PACS2: variants seen among roughly 807,000 people sequenced by gnomAD.
PACS2 encodes PACS1-like protein.
In PACS2, 36 loss-of-function variants were observed where a neutral mutation model predicts 113.0. The observed-to-expected ratio is 0.32, with a 90% CI of 0.24 to 0.42. The LOEUF is 0.42. PACS2 is among the 10% of genes least tolerant of loss of function. The probability of loss-of-function intolerance (pLI) is 1.00; values close to 1 mark genes in which losing one functional copy is unlikely to be tolerated. For missense variants in PACS2, 1,015 were observed against 1,239.5 expected (o/e 0.82, Z 2.72); for synonymous variants, 589 against 536.1 (o/e 1.10, Z -1.36).
At position 105,327,317 on chromosome 14, in the gene PACS2, A is replaced by G. The variant is rs587694880; in HGVS notation, c.119+12280A>G. ...GTAGCCTGAGGGGATGTGCGCGGCCAGGTCAGTGCCTGCCGCTACTGCCTG... is the reference window on the plus strand; with the variant it reads ...GTAGCCTGAGGGGATGTGCGCGGCCGGGTCAGTGCCTGCCGCTACTGCCTG... On this transcript the variant is annotated intron_variant, in intron 1 of 24. Coordinates refer to ENST00000447393, the MANE Select transcript of PACS2 (RefSeq NM_001100913.3). Among the ~76,000 whole-genome samples, 214 of 152,332 alleles carry G rather than the reference A, an allele frequency of 1.4e-3. 1 individual carries two copies. Among genetic ancestry groups the G allele is most frequent in the Admixed American group, 8.0e-3 (123 of 15,300 alleles).
At chr14:105,364,307 C>CGGCCCGGGTGCGCGGTGGGTGGT (rs1174503189) in intron 4 of PACS2, among the ~76,000 whole-genome samples, 1 of 125,306 alleles carries the variant, frequency 8.0e-6, no homozygotes, top group African/African-American at 5.3e-5. Context: ...GTGTGGTGGG[C>CGGCCCGGGTGCGCGGTGGGTGGT]GTCCCGGGTG....
chr14:105,319,237 C>T (rs112763523), intron 1 of PACS2, among the ~76,000 whole-genome samples: 6,031 of 152,326 alleles, frequency 0.04, 419 homozygotes, highest in African/African-American at 0.14. Flanking sequence ...TGAGCCACCA[C>T]GCCCAGCCAG....
Position 105,324,540 on chromosome 14 carries a change from A to G in PACS2, c.119+9503A>G, listed in dbSNP as rs1339759595. 6.6e-6 allele frequency among the ~76,000 whole-genome samples: 1 copy of G among 152,204 alleles called. No individual in the cohort carries two copies. The highest frequency in any genetic ancestry group is 2.4e-5 in the African/African-American group (1 of 41,550). Reference sequence around the variant, plus strand: ...AGCAGCTGCTCTGAGAGGCAGCCCTAAAAATAGCCGAGCGCTGAGAGGCCG... The same window carrying G: ...AGCAGCTGCTCTGAGAGGCAGCCCTGAAAATAGCCGAGCGCTGAGAGGCCG... On this transcript the variant is annotated intron_variant, in intron 1 of 24. Transcript: ENST00000447393. The surrounding 1 kb of genome is among the most constrained non-coding windows in gnomAD (Gnocchi z 4.7).
At chr14:105,302,022 C>G (rs2058049015) in intron 1 of PACS2, among the ~76,000 whole-genome samples, 1 of 151,914 alleles carries the variant, frequency 6.6e-6, no homozygotes, top group Non-Finnish European at 1.5e-5. Context: ...GCCTGTAATC[C>G]CAGCTACTCG....
rs1401439594 is a variant in PACS2 at position 105,357,504 on chromosome 14, C to T, written c.423+2327C>T. ...CCAGGCCCTCGGGGCATCCTTCCACCTTCCACTGGCAGCCTGGTCCCAGAA... is the reference window on the plus strand; with the variant it reads ...CCAGGCCCTCGGGGCATCCTTCCACTTTCCACTGGCAGCCTGGTCCCAGAA... On this transcript the variant is annotated intron_variant, in intron 4 of 24. Transcript: ENST00000447393. This position sits in a 1 kb window ranked among gnomAD's most constrained non-coding sequence, Gnocchi z 5.1. 6.6e-6 allele frequency among the ~76,000 whole-genome samples: 1 copy of T among 152,152 alleles called. No homozygotes were observed. The highest frequency in any genetic ancestry group is 2.4e-5 in the African/African-American group (1 of 41,436).
intron 3 of PACS2, among the ~76,000 whole-genome samples, chr14:105,352,842 C>T (rs2060254318): frequency 7.4e-6 from 1 of 135,638 alleles, no homozygotes; most frequent in Non-Finnish European, 1.6e-5. Flanking sequence ...GAGACGGGCC[C>T]CCCCATCAGT....
At chr14:105,353,658 G>A (rs1460874314) in intron 3 of PACS2, among the ~76,000 whole-genome samples, 2 of 151,990 alleles carry the variant, frequency 1.3e-5, no homozygotes, top group African/African-American at 4.8e-5. Context: ...GGCTGGTGCA[G>A]TCTTGGCTCA....
At chr14:105,382,099 G>A (rs1003215569) in intron 13 of PACS2, 41 bp downstream of exon 13, 59 of 1,528,270 alleles carry the variant, frequency 3.9e-5, no homozygotes, top group African/African-American at 5.5e-5. Flanking sequence ...GGCAGGGCTC[G>A]TGGTCACCCT....
Position 105,317,679 on chromosome 14 carries a change from C to T in PACS2, c.119+2642C>T, listed in dbSNP as rs758904489. 7.2e-5 allele frequency among the ~76,000 whole-genome samples: 11 copies of T among 152,114 alleles called. 1 individual carries two copies. The highest frequency in any genetic ancestry group is 2.7e-4 in the African/African-American group (11 of 41,496). Reference sequence around the variant, plus strand: ...TTCTTTAGAGATAGTCATCCTTTCTCGGCTGTGTTGAGGATGTCCCCGTCC... The same window carrying T: ...TTCTTTAGAGATAGTCATCCTTTCTTGGCTGTGTTGAGGATGTCCCCGTCC... On this transcript the variant is annotated intron_variant, in intron 1 of 24. Transcript: ENST00000447393. This position sits in a 1 kb window ranked among gnomAD's most constrained non-coding sequence, Gnocchi z 4.2.
chr14:105,353,513 T>A (rs1344770102), intron 3 of PACS2, among the ~76,000 whole-genome samples: 1 of 152,134 alleles, frequency 6.6e-6, no homozygotes, highest in Admixed American at 6.5e-5. Flanking sequence ...TTACTGCAGA[T>A]CTTCTGTTGA....
chr14:105,387,882 G>A (rs1171071160), intron 19 of PACS2, among the ~76,000 whole-genome samples: 5 of 152,182 alleles, frequency 3.3e-5, no homozygotes, highest in East Asian at 1.9e-4. Flanking sequence ...CTGTGCCTTC[G>A]CGTGCCTGGG....
chr14:105,303,328 C>T (rs587668820), intron 1 of PACS2, among the ~76,000 whole-genome samples: 2 of 152,190 alleles, frequency 1.3e-5, no homozygotes, highest in South Asian at 2.1e-4. Flanking sequence ...ACTGTAACCT[C>T]CACCTCCCGG....
At chr14:105,391,854 AC>A (rs1482531194) in intron 22 of PACS2, 88 bp downstream of exon 22, 1 of 1,328,002 alleles carries the variant, frequency 7.5e-7, no homozygotes, top group East Asian at 2.8e-5. Flanking sequence ...TGTCACATCC[AC>A]CTCCCAGGGC....
chr14:105,346,643 C>T (rs1228617828), intron 1 of PACS2, among the ~76,000 whole-genome samples: 1 of 25,870 alleles, frequency 3.9e-5, no homozygotes, highest in Admixed American at 3.0e-4. Flanking sequence ...ACCGCCTGCA[C>T]GGCTCCCCCA....
intron 24 of PACS2, 57 bp downstream of exon 24, chr14:105,393,392 G>T: frequency 8.2e-7 from 1 of 1,221,732 alleles, no homozygotes. Flanking sequence ...AGCACAGCAA[G>T]GCTGCTTTGG....
chr14:105,331,974 G>GGGA (rs1228075450), intron 1 of PACS2, among the ~76,000 whole-genome samples: 1 of 152,216 alleles, frequency 6.6e-6, no homozygotes, highest in Non-Finnish European at 1.5e-5. Context: ...CTCTGTTGTG[G>GGGA]TTTTGAGGAG....
In PACS2 at chr14:105,392,523, G is replaced by T. The variant is rs587714997; in HGVS notation, c.2256-96G>T. On this transcript the variant is annotated intron_variant, in intron 22 of 24. Transcript: ENST00000447393. Reference sequence around the variant, plus strand: ...CCTCTGCTGGCAAGTTGGCACAGGTGCTGGCTGTCACCTCCTGGCCTGTCA... The same window carrying T: ...CCTCTGCTGGCAAGTTGGCACAGGTTCTGGCTGTCACCTCCTGGCCTGTCA... 7.2e-6 allele frequency: 8 copies of T among 1,109,674 alleles called. No individual in the cohort carries two copies. The African/African-American group carries it at 7.7e-5, about 11-fold the overall frequency. The allele number at this position is 1,109,674 out of a possible 1,614,324, so 68.7% of individuals were successfully genotyped here.
chr14:105,393,734 C>T (rs1484754864), intron 24 of PACS2, among the ~76,000 whole-genome samples: 3 of 151,824 alleles, frequency 2.0e-5, no homozygotes, highest in South Asian at 2.1e-4. Context: ...GGATTACAGG[C>T]GCGTGCCACC....
chr14:105,333,506 C>T (rs1425946462), intron 1 of PACS2, among the ~76,000 whole-genome samples: 1 of 152,228 alleles, frequency 6.6e-6, no homozygotes, highest in Non-Finnish European at 1.5e-5. Context: ...TGGCTGCTCC[C>T]TGGGGTGCTG....
Sources: allele counts gnomAD v4.1 joint callset (sites outside exome capture counted in the v4.1 genomes callset), GRCh38; gene constraint gnomAD v4.1.1; non-coding constraint Gnocchi (gnomAD v3.1); transcripts MANE v1.5; gene names NCBI Gene and HGNC (gene_info 2026-07-23, HGNC 2026-07-21).